The following RGL1 variants were observed in gnomAD, a reference collection of about 807,000 sequenced individuals.
RGL1 encodes ral guanine nucleotide dissociation stimulator-like 1.
Under a neutral mutation model 95.2 loss-of-function variants are expected in RGL1, and 24 were observed. The ratio of observed to expected loss-of-function variants is 0.25; its 90% CI spans 0.18 to 0.35. RGL1 has a LOEUF of 0.35. RGL1 is among the 10% of genes least tolerant of loss of function. The pLI is 1.00. For synonymous variants in RGL1, 329 were observed against 344.9 expected (o/e 0.95, Z 0.51); for missense variants, 715 against 936.3 (o/e 0.76, Z 3.08).
upstream of RGL1, among the ~76,000 whole-genome samples, chr1:183,804,582 C>A (rs796454191): frequency 6.6e-6 from 1 of 152,290 alleles, no homozygotes; most frequent in Middle Eastern, 3.4e-3. Flanking sequence ...CTTCCCACCC[C>A]CAATGGCCAG....
At chr1:183,918,694 C>T (rs1309774393) in intron 16 of RGL1, among the ~76,000 whole-genome samples, 1 of 152,190 alleles carries the variant, frequency 6.6e-6, no homozygotes, top group Non-Finnish European at 1.5e-5. Flanking sequence ...ATTCCTCCTT[C>T]CCCAGCAAAT....
intron 2 of RGL1, 47 bp downstream of exon 2, chr1:183,806,532 T>C (rs1450790877): frequency 7.7e-7 from 1 of 1,299,754 alleles, no homozygotes; most frequent in Non-Finnish European, 1.1e-6. Flanking sequence ...TCAGTGTCTG[T>C]CGTTCTGTGA....
chr1:183,655,966 C>T (rs899765218), intron 1 of RGL1, among the ~76,000 whole-genome samples: 2 of 152,144 alleles, frequency 1.3e-5, no homozygotes, highest in Non-Finnish European at 2.9e-5. Flanking sequence ...TGATGGGAGG[C>T]CATTGTTTTG....
At chr1:183,693,402 G>A (rs1235009171) in intron 1 of RGL1, among the ~76,000 whole-genome samples, 1 of 152,016 alleles carries the variant, frequency 6.6e-6, no homozygotes, top group Non-Finnish European at 1.5e-5. Flanking sequence ...TTACCTGGAA[G>A]CTGAAAATGA....
At chr1:183,872,272 G>A (rs900828902) in intron 4 of RGL1, among the ~76,000 whole-genome samples, 2 of 152,098 alleles carry the variant, frequency 1.3e-5, no homozygotes, top group African/African-American at 4.8e-5. Flanking sequence ...TTTACAACAC[G>A]AATCTTCATT....
At chr1:183,762,805 G>T (rs1572382892) in intron 2 of RGL1, among the ~76,000 whole-genome samples, 1 of 152,214 alleles carries the variant, frequency 6.6e-6, no homozygotes, top group African/African-American at 2.4e-5. Flanking sequence ...GTGTAAATTA[G>T]TTCAACCATT....
At chr1:183,694,029 T>C (rs901736142) in intron 1 of RGL1, among the ~76,000 whole-genome samples, 1 of 152,254 alleles carries the variant, frequency 6.6e-6, no homozygotes. Context: ...TGGCACAACA[T>C]GGCCTGTTTT....
intron 1 of RGL1, among the ~76,000 whole-genome samples, chr1:183,722,228 CAAAA>C (rs759515944): frequency 1.1e-4 from 10 of 95,028 alleles, no homozygotes; most frequent in Non-Finnish European, 8.9e-5. Flanking sequence ...AGTCTGGGAC[CAAAA>C]AAAAAAAAAA....
intron 1 of RGL1, among the ~76,000 whole-genome samples, chr1:183,656,825 T>C (rs950268198): frequency 2.6e-5 from 4 of 152,184 alleles, no homozygotes; most frequent in African/African-American, 9.7e-5. Flanking sequence ...CATAAACCTA[T>C]TTTTTGGTAA....
chr1:183,657,457 C>T (rs1651259252), intron 1 of RGL1, among the ~76,000 whole-genome samples: 1 of 152,170 alleles, frequency 6.6e-6, no homozygotes, highest in Non-Finnish European at 1.5e-5. Context: ...CACCCCACAA[C>T]AGTCCCCAGT....
intron 2 of RGL1, among the ~76,000 whole-genome samples, chr1:183,806,696 T>C (rs933225027): frequency 6.6e-6 from 1 of 152,156 alleles, no homozygotes; most frequent in African/African-American, 2.4e-5. Context: ...TTGTCAATAA[T>C]TCAGAACCTC....
intron 6 of RGL1, among the ~76,000 whole-genome samples, 190 bp from the exon 7 acceptor site, chr1:183,884,533 A>G (rs1320891297): frequency 6.6e-6 from 1 of 152,214 alleles, no homozygotes; most frequent in African/African-American, 2.4e-5. Context: ...TTTTCCTTCT[A>G]GTGAACATTA....
chr1:183,900,579 A>G (rs1184726172), intron 11 of RGL1, among the ~76,000 whole-genome samples: 1 of 152,148 alleles, frequency 6.6e-6, no homozygotes, highest in Non-Finnish European at 1.5e-5. Flanking sequence ...ATCTTGGCTC[A>G]CTGCAATCTC....
chr1:183,891,641 T>C (rs1013627925), intron 8 of RGL1, among the ~76,000 whole-genome samples: 15 of 151,900 alleles, frequency 9.9e-5, no homozygotes, highest in African/African-American at 3.1e-4. Flanking sequence ...CGTGGAAATT[T>C]GGGAAAATCC....
chr1:183,875,326 A>G (rs928517393), intron 4 of RGL1, among the ~76,000 whole-genome samples: 14 of 152,198 alleles, frequency 9.2e-5, no homozygotes, highest in African/African-American at 3.1e-4. Flanking sequence ...CATTTGACCA[A>G]TTATAGAGTA....
rs142359792 is a variant in RGL1 at position 183,904,730 on chromosome 1, A to G, written c.1351-120A>G. Reference sequence around the variant, plus strand: ...GGAAGCAGTATTTCAGAATCCTCCTAGATGGTTTTCTTCATCTTTTATCCT... The same window carrying G: ...GGAAGCAGTATTTCAGAATCCTCCTGGATGGTTTTCTTCATCTTTTATCCT... On this transcript the variant is annotated intron_variant, in intron 12 of 17. Transcript: ENST00000360851. The G allele has an allele frequency of 1.1e-4, 115 of 1,072,102 alleles. No individual in the cohort carries two copies. In the East Asian group the frequency reaches 2.9e-3, roughly 27 times the overall value. 66.4% of individuals were successfully genotyped at this position (1,072,102 alleles called of 1,614,324 possible).
rs567615022 is a variant in RGL1 at position 183,636,184 on chromosome 1, C to T, written c.-350C>T. ...GCCGTCAACGACCTATCATCGGGGT[C>T]CTGCGTAAGGTCCGGCTGGCTGGGA... On this transcript the variant is annotated 5_prime_UTR_variant, in exon 1 of 19. Coordinates refer to the RGL1 transcript ENST00000304685. The T allele has an allele frequency of 1.5e-5, 6 of 399,568 alleles. No homozygotes were observed. The Admixed American group carries it at 1.8e-4, about 12-fold the overall frequency. The allele number at this position is 399,568 out of a possible 1,614,324, so 24.8% of individuals were successfully genotyped here.
chr1:183,842,932 C>T (rs149885424), intron 2 of RGL1, among the ~76,000 whole-genome samples: 7 of 152,298 alleles, frequency 4.6e-5, no homozygotes, highest in East Asian at 1.9e-4. Context: ...CTTCTCTTGT[C>T]GGGCCATATG....
Position 183,744,487 on chromosome 1 carries a change from G to A in RGL1, c.132+2198G>A, listed in dbSNP as rs1027506027. Among the ~76,000 whole-genome samples the A allele has an allele frequency of 7.7e-4, 117 of 152,216 alleles. 1 individual carries two copies. Among genetic ancestry groups the A allele is most frequent in the African/African-American group, 2.6e-3 (110 of 41,536 alleles). ...TACTTGCACAAAATTGAGAGTGAGT[G>A]TATCCTTAAATTTTGCACCCTAGGC... On this transcript the variant is annotated intron_variant, in intron 2 of 18. Coordinates refer to the RGL1 transcript ENST00000304685.
Sources: allele counts gnomAD v4.1 joint callset (sites outside exome capture counted in the v4.1 genomes callset), GRCh38; gene constraint gnomAD v4.1.1; transcripts MANE v1.5; gene names NCBI Gene and HGNC (gene_info 2026-07-23, HGNC 2026-07-21).